The following DCDC2 variants were observed in gnomAD, a reference collection of about 807,000 sequenced individuals.
DCDC2 encodes the protein doublecortin domain containing 2.
In DCDC2, 40 loss-of-function variants were observed where a neutral mutation model predicts 50.2. The ratio of observed to expected loss-of-function variants is 0.80; its 90% CI spans 0.62 to 1.04. DCDC2 has a LOEUF of 1.04. Among genes scored for constraint, DCDC2 ranks in the 50% least tolerant of loss-of-function variants. The probability of loss-of-function intolerance (pLI) is 0.00; values close to 1 mark genes in which losing one functional copy is unlikely to be tolerated. For missense variants in DCDC2, 570 were observed against 581.9 expected (o/e 0.98, Z 0.21); for synonymous variants, 234 against 210.6 (o/e 1.11, Z -0.96).
At chr6:24,362,090 G>C (rs1161697524), upstream of DCDC2, among the ~76,000 whole-genome samples, 1 of 152,172 alleles carries the variant, frequency 6.6e-6, no homozygotes, top group African/African-American at 2.4e-5. Flanking sequence ...AGGCACAGCA[G>C]ACTTGTGTAA....
chr6:24,205,902 C>T (rs1761709225), intron 7 of DCDC2, among the ~76,000 whole-genome samples: 1 of 152,158 alleles, frequency 6.6e-6, no homozygotes, highest in Non-Finnish European at 1.5e-5. Flanking sequence ...TTTGGCCATT[C>T]TCACAGATGT....
At chr6:24,331,613 T>C (rs1352696920) in intron 2 of DCDC2, among the ~76,000 whole-genome samples, 1 of 152,192 alleles carries the variant, frequency 6.6e-6, no homozygotes, top group Non-Finnish European at 1.5e-5. Context: ...CAGAAATATT[T>C]GGATATACTC....
chr6:24,372,924 TAAAACAAAA>T, the DCDC2 span, among the ~76,000 whole-genome samples: 1 of 150,828 alleles, frequency 6.6e-6, no homozygotes, highest in African/African-American at 2.4e-5. Context: ...AATAAAAAAA[TAAAACAAAA>T]AAAAGAAAAA....
chr6:24,200,496 G>C (rs1047597905), intron 8 of DCDC2, among the ~76,000 whole-genome samples: 1 of 152,120 alleles, frequency 6.6e-6, no homozygotes, highest in Non-Finnish European at 1.5e-5. Flanking sequence ...CCTTACAAGA[G>C]GTCCTGAAGG....
chr6:24,247,682 C>T (rs1381555990), intron 7 of DCDC2, among the ~76,000 whole-genome samples: 4 of 152,114 alleles, frequency 2.6e-5, no homozygotes, highest in Non-Finnish European at 5.9e-5. Flanking sequence ...CATGAAGAAA[C>T]GTTGAAAGGG....
At chr6:24,238,714 G>C (rs985598106) in intron 7 of DCDC2, among the ~76,000 whole-genome samples, 1 of 152,160 alleles carries the variant, frequency 6.6e-6, no homozygotes, top group African/African-American at 2.4e-5. Flanking sequence ...AGACCAAAAT[G>C]AGCATCAATA....
chr6:24,195,166 A>G (rs1350819845), intron 8 of DCDC2, among the ~76,000 whole-genome samples: 1 of 152,134 alleles, frequency 6.6e-6, no homozygotes, highest in African/African-American at 2.4e-5. Context: ...TTAGCATGCC[A>G]CAGTTTCATG....
At chr6:24,219,148 A>G (rs1351281768) in intron 7 of DCDC2, among the ~76,000 whole-genome samples, 1 of 152,224 alleles carries the variant, frequency 6.6e-6, no homozygotes, top group Non-Finnish European at 1.5e-5. Flanking sequence ...AGACACAAGA[A>G]AACGCAGATG....
chr6:24,362,590 T>A (rs552992282), upstream of DCDC2, among the ~76,000 whole-genome samples: 1 of 152,172 alleles, frequency 6.6e-6, no homozygotes, highest in South Asian at 2.1e-4. Context: ...AATGCCCATG[T>A]TTACAATTCC....
intron 7 of DCDC2, among the ~76,000 whole-genome samples, chr6:24,228,179 G>C (rs777031321): frequency 6.6e-6 from 1 of 152,158 alleles, no homozygotes; most frequent in Non-Finnish European, 1.5e-5. Context: ...TAAACAATTA[G>C]GTATAAATCA....
intron 7 of DCDC2, among the ~76,000 whole-genome samples, chr6:24,264,510 T>C (rs1035501339): frequency 2.6e-5 from 4 of 152,200 alleles, no homozygotes; most frequent in Non-Finnish European, 5.9e-5. Context: ...ATTAATTTTC[T>C]CTTTCCTTGT....
the DCDC2 span, among the ~76,000 whole-genome samples, chr6:24,375,239 A>G: frequency 1.3e-5 from 2 of 152,220 alleles, no homozygotes; most frequent in African/African-American, 2.4e-5. Flanking sequence ...CCTGAAAACC[A>G]TATGCCCAGA....
At chr6:24,343,711 T>C (rs1253707866) in intron 2 of DCDC2, among the ~76,000 whole-genome samples, 2 of 152,236 alleles carry the variant, frequency 1.3e-5, no homozygotes, top group Non-Finnish European at 2.9e-5. Context: ...TCATGCAATA[T>C]AAGAACAAGC....
At chr6:24,358,716 T>C (rs1471163702), upstream of DCDC2, among the ~76,000 whole-genome samples, 1 of 77,534 alleles carries the variant, frequency 1.3e-5, no homozygotes, top group Non-Finnish European at 2.3e-5. Context: ...TATATATATA[T>C]TTTATATATT....
chr6:24,299,929 T>A (rs1486447157), intron 4 of DCDC2, among the ~76,000 whole-genome samples: 4 of 150,406 alleles, frequency 2.7e-5, no homozygotes, highest in East Asian at 2.0e-4. Context: ...CAAAAAAAAA[T>A]AAAAATAAAA....
At chr6:24,334,613 G>A (rs1157814466) in intron 2 of DCDC2, among the ~76,000 whole-genome samples, 2 of 152,182 alleles carry the variant, frequency 1.3e-5, no homozygotes, top group Non-Finnish European at 2.9e-5. Context: ...ATGTAACTTA[G>A]AGAAAGGGAT....
intron 7 of DCDC2, among the ~76,000 whole-genome samples, chr6:24,224,537 A>T (rs762666577): frequency 6.6e-6 from 1 of 152,206 alleles, no homozygotes; most frequent in African/African-American, 2.4e-5. Context: ...ACATGCATGT[A>T]TATGTACACA....
the DCDC2 span, among the ~76,000 whole-genome samples, chr6:24,381,127 A>G: frequency 6.6e-6 from 1 of 152,102 alleles, no homozygotes; most frequent in African/African-American, 2.4e-5. Flanking sequence ...AAAAAATTGT[A>G]TGCATTTAAG....
Position 24,173,360 on chromosome 6 carries a change from A to C in DCDC2, c.*1370T>G, listed in dbSNP as rs1760829614. ...CCAAATGAAACCTGGAAGAGAAAAA[A>C]TGTTTTAAACTTGTAATTGTGAATT... On this transcript the variant is annotated 3_prime_UTR_variant, in exon 10 of 10. Coordinates refer to ENST00000378454, the MANE Select transcript of DCDC2 (RefSeq NM_016356.5). 6.6e-6 allele frequency: 1 copy of C among 152,170 alleles called. No homozygotes were observed. The highest frequency in any genetic ancestry group is 6.5e-5 in the Admixed American group (1 of 15,278). The allele number at this position is 152,170 out of a possible 1,614,324, so 9.4% of individuals were successfully genotyped here.
Sources: allele counts gnomAD v4.1 joint callset (sites outside exome capture counted in the v4.1 genomes callset), GRCh38; gene constraint gnomAD v4.1.1; transcripts MANE v1.5; gene names NCBI Gene and HGNC (gene_info 2026-07-23, HGNC 2026-07-21).